DIPK1A: variants seen among roughly 807,000 people sequenced by gnomAD.
DIPK1A encodes divergent protein kinase domain 1A, also known as family with sequence similarity 69 member A.
In DIPK1A, 27 loss-of-function variants were observed where a neutral mutation model predicts 40.8. The observed-to-expected ratio is 0.66, with a 90% CI of 0.49 to 0.91. The LOEUF (loss-of-function observed/expected upper bound fraction) is 0.91, where lower values mean the gene tolerates loss of function less well. Ranked by LOEUF, DIPK1A falls within the 40% of genes least tolerant of loss-of-function variation. The pLI is 0.00. For missense variants in DIPK1A, 412 were observed against 505.7 expected, an observed-to-expected ratio of 0.81 and a Z score of 1.78; for synonymous variants, 166 against 171.3, an observed-to-expected ratio of 0.97 and a Z score of 0.24.
intron 1 of DIPK1A, chr1:92,932,705 C>T (rs1183731735): frequency 1.3e-5 from 2 of 152,106 alleles, no homozygotes; most frequent in African/African-American, 2.4e-5. Context: ...TCTGAAAAGG[C>T]TACATACATA....
chr1:92,869,041 T>C (rs766819883), intron 2 of DIPK1A, among the ~76,000 whole-genome samples: 1 of 151,820 alleles, frequency 6.6e-6, no homozygotes, highest in African/African-American at 2.4e-5. Flanking sequence ...ATAACTTAGA[T>C]GTAGATGTTC....
In DIPK1A at chr1:92,850,451, C is replaced by T. The variant is rs549845528; in HGVS notation, c.297+397G>A. 4.0e-3 allele frequency among the ~76,000 whole-genome samples: 612 copies of T among 152,174 alleles called. 4 individuals carry two copies. Among genetic ancestry groups the T allele is most frequent in the African/African-American group, 0.014 (590 of 41,522 alleles). ...ATCCCAGCACTTTGGAAGGCCAAGG[C>T]GGGTGGATTGCTTGAGCTCAGGAGT... On this transcript the variant is annotated intron_variant, in intron 3 of 4. Transcript: ENST00000370310.
At chr1:92,892,368 C>T (rs1648931913) in intron 1 of DIPK1A, among the ~76,000 whole-genome samples, 1 of 152,124 alleles carries the variant, frequency 6.6e-6, no homozygotes, top group Non-Finnish European at 1.5e-5. Flanking sequence ...CGCTGTTCTG[C>T]AGCCTCTGCT....
chr1:92,885,162 AG>A (rs1648539266), intron 1 of DIPK1A, among the ~76,000 whole-genome samples: 1 of 152,160 alleles, frequency 6.6e-6, no homozygotes, highest in African/African-American at 2.4e-5. Flanking sequence ...TTCACCTCCA[AG>A]TGTCAGTATT....
At chr1:92,878,420 C>G (rs1049712636) in intron 1 of DIPK1A, among the ~76,000 whole-genome samples, 1 of 152,130 alleles carries the variant, frequency 6.6e-6, no homozygotes, top group Non-Finnish European at 1.5e-5. Flanking sequence ...GCCAGGAGCT[C>G]ACGCCTGTAA....
At chr1:92,911,294 T>TAAGG in intron 1 of DIPK1A, among the ~76,000 whole-genome samples, 1 of 152,218 alleles carries the variant, frequency 6.6e-6, no homozygotes, top group Non-Finnish European at 1.5e-5. Flanking sequence ...TCTTGTTCCT[T>TAAGG]CCACCCTGTG....
chr1:92,865,440 G>T (rs1359618840), intron 2 of DIPK1A, among the ~76,000 whole-genome samples: 1 of 148,092 alleles, frequency 6.8e-6, no homozygotes, highest in East Asian at 2.0e-4. Flanking sequence ...AAGCACAAGT[G>T]AAAAAAAAAA....
downstream of DIPK1A, among the ~76,000 whole-genome samples, chr1:92,839,483 AAGAC>A (rs1687267423): frequency 6.6e-6 from 1 of 152,198 alleles, no homozygotes; most frequent in South Asian, 2.1e-4. Context: ...GTGGTAGTGA[AAGAC>A]AGAAGAGAGG....
chr1:92,917,169 T>C (rs1325147966), intron 1 of DIPK1A, among the ~76,000 whole-genome samples: 1 of 152,208 alleles, frequency 6.6e-6, no homozygotes, highest in African/African-American at 2.4e-5. Flanking sequence ...TACCTAACTC[T>C]TCCCCCTATG....
downstream of DIPK1A, chr1:92,841,676 T>TATC (rs983751713): frequency 2.6e-5 from 20 of 775,562 alleles, no homozygotes; most frequent in Admixed American, 1.2e-4. Flanking sequence ...AAATATTCTC[T>TATC]ATCAAAATTA....
At chr1:92,861,880 G>A (rs1182889351) in intron 2 of DIPK1A, among the ~76,000 whole-genome samples, 1 of 151,020 alleles carries the variant, frequency 6.6e-6, no homozygotes, top group African/African-American at 2.4e-5. Context: ...CCTGGGCTCG[G>A]GTGATCCTCC....
chr1:92,848,861 T>C (rs376100833), intron 3 of DIPK1A, among the ~76,000 whole-genome samples: 1 of 152,218 alleles, frequency 6.6e-6, no homozygotes, highest in Non-Finnish European at 1.5e-5. Context: ...TAAATTTCTA[T>C]AATAATAATG....
Position 92,959,699 on chromosome 1 carries a change from C to T in DIPK1A, c.54+1677G>A, listed in dbSNP as rs576431980. ...ATCTCCTGACCTCGTGATCCGCCCG[C>T]CTCGGCCTCCCAAAGTGCATGAGCC... is the stretch of plus-strand genomic sequence containing the variant. On this transcript the variant is annotated intron_variant, in intron 1 of 4. Coordinates refer to ENST00000370310, the MANE Select transcript of DIPK1A (RefSeq NM_001006605.5). Among the ~76,000 whole-genome samples, 150 of 151,516 alleles carry T rather than the reference C, an allele frequency of 9.9e-4. 1 individual carries two copies. The highest frequency in any genetic ancestry group is 3.4e-3 in the African/African-American group (139 of 41,318).
chr1:92,932,440 C>CAAAAAAAAAAAAAAAAA (rs547621367), intron 1 of DIPK1A: 2 of 144,656 alleles, frequency 1.4e-5, no homozygotes, highest in Non-Finnish European at 3.0e-5. Context: ...GACTCTGTCT[C>CAAAAAAAAAAAAAAAAA]AAAAAAAAAA....
downstream of DIPK1A, among the ~76,000 whole-genome samples, chr1:92,839,732 TTAAAA>T (rs1180227883): frequency 2.6e-5 from 4 of 152,238 alleles, no homozygotes; most frequent in African/African-American, 9.6e-5. Context: ...CAGACAGTAT[TTAAAA>T]TGAGAAGCGC....
intron 2 of DIPK1A, among the ~76,000 whole-genome samples, chr1:92,852,553 A>G (rs970744374): frequency 2.0e-5 from 3 of 152,158 alleles, no homozygotes; most frequent in Non-Finnish European, 4.4e-5. Context: ...CAGACCAAAC[A>G]TATTGTTATG....
chr1:92,855,711 G>A (rs2100736351), intron 2 of DIPK1A, among the ~76,000 whole-genome samples: 1 of 150,546 alleles, frequency 6.6e-6, no homozygotes, highest in East Asian at 2.0e-4. Context: ...AAAAAAAAAA[G>A]AAAACCCAAC....
chr1:92,954,645 G>C (rs996289741), intron 1 of DIPK1A, among the ~76,000 whole-genome samples: 4 of 152,014 alleles, frequency 2.6e-5, no homozygotes, highest in Middle Eastern at 6.8e-3. Flanking sequence ...AAAGTGCTGG[G>C]ATTACAGACG....
chr1:92,947,193 G>A (rs548814647), intron 1 of DIPK1A, among the ~76,000 whole-genome samples: 7 of 152,092 alleles, frequency 4.6e-5, no homozygotes, highest in East Asian at 1.9e-4. Flanking sequence ...TTTTCAAGGC[G>A]GGGAAATACT....
Sources: gnomAD v4.1 joint callset for allele counts (sites outside exome capture counted in the v4.1 genomes callset) on GRCh38, gnomAD v4.1.1 for gene constraint, MANE v1.5 for transcripts, NCBI Gene and HGNC (gene_info 2026-07-23, HGNC 2026-07-21) for gene names.